Variants in DMD observed in about 807,000 individuals in gnomAD.
DMD encodes the protein mutant dystrophin.
A neutral mutation model predicts 330.1 loss-of-function variants in DMD; 63 were observed. That is an observed-to-expected ratio of 0.19 (90% CI 0.16 to 0.24). The LOEUF (loss-of-function observed/expected upper bound fraction) is 0.24, where lower values mean the gene tolerates loss of function less well. Among genes scored for constraint, DMD ranks in the 10% least tolerant of loss-of-function variants. DMD has a pLI of 1.00. For missense variants in DMD, 3,344 were observed against 2,684.1 expected (o/e 1.25, Z -5.43); for synonymous variants, 1,223 against 959.8 (o/e 1.27, Z -5.07).
intron 60 of DMD, among the ~76,000 whole-genome samples, chrX:31,350,537 T>C (rs1454798540): frequency 9.1e-6 from 1 of 109,899 alleles, no homozygotes; most frequent in Non-Finnish European, 1.9e-5. Context: ...TAGCAAATAT[T>C]TGTTTAATGA....
intron 2 of DMD, among the ~76,000 whole-genome samples, chrX:32,856,035 C>G (rs182970617): frequency 6.3e-5 from 7 of 111,792 alleles, no homozygotes; most frequent in Admixed American, 1.9e-4. Context: ...AGAGATGACA[C>G]AAATGTCAAA....
intron 6 of DMD, among the ~76,000 whole-genome samples, chrX:32,811,864 T>C (rs973611184): frequency 1.8e-5 from 2 of 111,926 alleles, no homozygotes; most frequent in South Asian, 3.7e-4. Context: ...AATGTATTGA[T>C]AATAGAATTC....
chrX:31,382,707 C>A, intron 60 of DMD, among the ~76,000 whole-genome samples: 1 of 110,920 alleles, frequency 9.0e-6, no homozygotes, highest in African/African-American at 3.3e-5. Context: ...AATGTTTCTT[C>A]TAACAACCCC....
At chrX:31,690,287 C>A (rs1399408352) in intron 52 of DMD, among the ~76,000 whole-genome samples, 1 of 111,634 alleles carries the variant, frequency 9.0e-6, no homozygotes, top group African/African-American at 3.3e-5. Flanking sequence ...AAACAAACAA[C>A]CCCATCAAAA....
At chrX:33,221,586 A>G (rs559473943) in intron 1 of DMD, among the ~76,000 whole-genome samples, 1 of 111,264 alleles carries the variant, frequency 9.0e-6, no homozygotes, top group African/African-American at 3.3e-5. Context: ...ACAAAGAGCT[A>G]TTTTTTCAAA....
chrX:32,077,421 C>T (rs1190491216), intron 44 of DMD, among the ~76,000 whole-genome samples: 1 of 111,451 alleles, frequency 9.0e-6, no homozygotes, highest in Non-Finnish European at 1.9e-5. Flanking sequence ...CTTAATACCT[C>T]TTTCAATTCT....
intron 44 of DMD, among the ~76,000 whole-genome samples, chrX:32,019,087 C>T (rs1429008301): frequency 9.2e-6 from 1 of 108,494 alleles, no homozygotes; most frequent in Non-Finnish European, 1.9e-5. Flanking sequence ...AAGACATCAT[C>T]ATTTTTTTCT....
chrX:32,494,210 C>T (rs1017688791), intron 19 of DMD, among the ~76,000 whole-genome samples: 2 of 110,918 alleles, frequency 1.8e-5, no homozygotes, highest in Non-Finnish European at 3.8e-5. Context: ...GTTTTGCCCC[C>T]CAAAAAATGT....
intron 47 of DMD, among the ~76,000 whole-genome samples, chrX:31,893,819 C>T (rs760907229): frequency 2.2e-4 from 25 of 111,504 alleles, no homozygotes; most frequent in African/African-American, 5.2e-4. Context: ...CCACCTCTAC[C>T]GCTACTTATA....
chrX:32,142,981 G>A (rs1369244532), intron 44 of DMD, among the ~76,000 whole-genome samples: 1 of 110,812 alleles, frequency 9.0e-6, no homozygotes, highest in African/African-American at 3.3e-5. Context: ...TCATCCTTCA[G>A]GTAGAGCCCC....
chrX:31,264,847 G>A (rs757881944), intron 62 of DMD, among the ~76,000 whole-genome samples: 1 of 112,449 alleles, frequency 8.9e-6, no homozygotes, highest in South Asian at 3.7e-4. Context: ...TAGTGTGCAA[G>A]GTTATTATAA....
chrX:32,772,723 A>G (rs923360970), intron 7 of DMD, among the ~76,000 whole-genome samples: 25 of 111,568 alleles, frequency 2.2e-4, no homozygotes, highest in African/African-American at 5.5e-4. Flanking sequence ...CCTGTATCCT[A>G]AAGAGTTAAT....
At chrX:31,185,376 T>TCC (rs2041663754) in intron 67 of DMD, among the ~76,000 whole-genome samples, 1 of 111,470 alleles carries the variant, frequency 9.0e-6, no homozygotes, top group African/African-American at 3.3e-5. Context: ...CTTCCCTAGT[T>TCC]CCCCCCTCTC....
At chrX:31,808,733 G>GT (rs1374360696) in intron 50 of DMD, among the ~76,000 whole-genome samples, 1 of 110,846 alleles carries the variant, frequency 9.0e-6, no homozygotes, top group Non-Finnish European at 1.9e-5. Flanking sequence ...TCAATCCTGA[G>GT]TTATGTGCTT....
intron 55 of DMD, among the ~76,000 whole-genome samples, chrX:31,569,614 G>GTATATAGACGTATATACA (rs1569551966): frequency 1.4e-4 from 14 of 98,701 alleles, no homozygotes; most frequent in African/African-American, 5.2e-4. Context: ...ATGTATATAC[G>GTATATAGACGTATATACA]TATATATACG....
intron 45 of DMD, among the ~76,000 whole-genome samples, chrX:31,950,612 T>C (rs1296447475): frequency 9.0e-6 from 1 of 111,075 alleles, no homozygotes; most frequent in African/African-American, 3.3e-5. Context: ...AATTGTTGAA[T>C]TGTCTAGTTC....
At chrX:31,275,949 G>A (rs187020985) in intron 62 of DMD, among the ~76,000 whole-genome samples, 1 of 112,280 alleles carries the variant, frequency 8.9e-6, no homozygotes, top group Admixed American at 9.4e-5. Context: ...AGGCTTTAGG[G>A]CAACTTATAA....
At chrX:31,134,327 C>T (rs1447479266) in intron 76 of DMD, 133 bp from the exon 77 acceptor site, 6 of 504,154 alleles carry the variant, frequency 1.2e-5, no homozygotes, top group Non-Finnish European at 2.0e-5. Context: ...AACCCTCAAG[C>T]TTAATAATGA....
rs1287188993 is a variant in DMD, at chrX:32,279,985, CAT to C, written c.6290+7542_6290+7543del. 3.8e-4 allele frequency among the ~76,000 whole-genome samples: 34 copies of C among 90,004 alleles called. 1 individual carries two copies. Among genetic ancestry groups the C allele is most frequent in the South Asian group, 1.2e-3 (2 of 1,737 alleles). The allele number at this position is 90,004 out of a possible 115,157, so 78.2% of individuals were successfully genotyped here. On this transcript the variant is annotated intron_variant, in intron 43 of 78. Coordinates refer to ENST00000357033, the MANE Select transcript of DMD (RefSeq NM_004006.3). ...GTAACCCATATATATATGTACCCCA[CAT>C]ATATATATATGTACCCCACATATAT...
Sources: gnomAD v4.1 joint callset for allele counts (sites outside exome capture counted in the v4.1 genomes callset) on GRCh38, gnomAD v4.1.1 for gene constraint, MANE v1.5 for transcripts, NCBI Gene and HGNC (gene_info 2026-07-23, HGNC 2026-07-21) for gene names.